Variants in CNTLN observed in about 807,000 individuals in gnomAD.
The protein encoded by CNTLN is centlein, centrosomal protein.
Under a neutral mutation model 180.0 loss-of-function variants are expected in CNTLN, and 212 were observed. The ratio of observed to expected loss-of-function variants is 1.18; its 90% CI spans 1.05 to 1.32. CNTLN has a LOEUF of 1.32. Among genes scored for constraint, CNTLN ranks in the 40% most tolerant of loss-of-function variants. The probability of loss-of-function intolerance (pLI) is 0.00; values close to 1 mark genes in which losing one functional copy is unlikely to be tolerated. For synonymous variants in CNTLN, 722 were observed against 563.1 expected (o/e 1.28, Z -3.99); for missense variants, 2,095 against 1,610.9 (o/e 1.30, Z -5.14).
chr9:17,218,630 T>C lies in CNTLN; in HGVS notation c.450-7573T>C, dbSNP rs182291647. On this transcript the variant is annotated intron_variant, in intron 2 of 25. Coordinates refer to ENST00000380647, the MANE Select transcript of CNTLN (RefSeq NM_017738.4). ...TTGTTTAAATTGCAAACCATTGATA[T>C]GTATAAAATCTGCATTTTAATAGGT... 5.0e-3 allele frequency among the ~76,000 whole-genome samples: 769 copies of C among 152,290 alleles called. 4 individuals carry two copies. The highest frequency in any genetic ancestry group is 8.0e-3 in the Admixed American group (122 of 15,304).
chr9:17,342,105 T>C (rs1162145436), intron 11 of CNTLN, among the ~76,000 whole-genome samples: 1 of 152,166 alleles, frequency 6.6e-6, no homozygotes, highest in South Asian at 2.1e-4. Flanking sequence ...ATGTGTCTGC[T>C]TAAAAGTTTG....
chr9:17,226,410 A>G (rs903196067), intron 3 of CNTLN, 123 bp downstream of exon 3: 1 of 496,348 alleles, frequency 2.0e-6, no homozygotes, highest in Non-Finnish European at 3.5e-6. Flanking sequence ...ATGTTAAAGC[A>G]TTACTATTTT....
intron 18 of CNTLN, among the ~76,000 whole-genome samples, chr9:17,432,736 C>G (rs1051360763): frequency 2.0e-5 from 3 of 151,948 alleles, no homozygotes; most frequent in African/African-American, 4.8e-5. Flanking sequence ...AAATGAGGAT[C>G]AGGCCAAGTG....
chr9:17,242,368 G>C (rs1053869101), intron 5 of CNTLN, among the ~76,000 whole-genome samples: 1 of 151,900 alleles, frequency 6.6e-6, no homozygotes, highest in African/African-American at 2.4e-5. Flanking sequence ...GGAGTGCAGT[G>C]GCACGATCTT....
Position 17,471,428 on chromosome 9 carries a change from A to G in CNTLN, c.3855+4537A>G, listed in dbSNP as rs568116871. On this transcript the variant is annotated intron_variant, in intron 23 of 25. Transcript: ENST00000380647. Reference sequence around the variant, plus strand: ...TTACAATAAATTATAGTAATTGAAAAGTAAAGTAAATTGATATGTATGTCT... The same window carrying G: ...TTACAATAAATTATAGTAATTGAAAGGTAAAGTAAATTGATATGTATGTCT... Among the ~76,000 whole-genome samples, 8 of 152,236 alleles carry G rather than the reference A, an allele frequency of 5.3e-5. No homozygotes were observed. The East Asian group carries it at 1.5e-3, about 29-fold the overall frequency.
At chr9:17,429,533 T>C (rs1476763194) in intron 18 of CNTLN, among the ~76,000 whole-genome samples, 2 of 152,086 alleles carry the variant, frequency 1.3e-5, no homozygotes, top group Non-Finnish European at 2.9e-5. Flanking sequence ...CTTAGAAATA[T>C]AACATTTTTA....
chr9:17,345,921 A>G (rs76844308), intron 12 of CNTLN, among the ~76,000 whole-genome samples: 2,750 of 152,282 alleles, frequency 0.018, 79 homozygotes, highest in African/African-American at 0.063. Context: ...CAGTTTGAAG[A>G]ACTTCCTTTA....
chr9:17,164,544 G>A (rs115466020), intron 2 of CNTLN, among the ~76,000 whole-genome samples: 2,764 of 130,326 alleles, frequency 0.021, 57 homozygotes, highest in African/African-American at 0.058. Context: ...GGCTCACTGT[G>A]ACCTCTGCCT....
chr9:17,395,148 A>G, intron 15 of CNTLN, 79 bp downstream of exon 15: 1 of 1,483,972 alleles, frequency 6.7e-7, no homozygotes, highest in Non-Finnish European at 8.9e-7. Flanking sequence ...ATTGAATTTC[A>G]ACTACTGTCG....
intron 6 of CNTLN, among the ~76,000 whole-genome samples, chr9:17,279,308 T>C (rs1458984184): frequency 6.6e-6 from 1 of 152,172 alleles, no homozygotes; most frequent in Non-Finnish European, 1.5e-5. Flanking sequence ...TTTTTTACTC[T>C]TGATTTGTTC....
intron 2 of CNTLN, among the ~76,000 whole-genome samples, chr9:17,169,961 C>A (rs1820322229): frequency 6.6e-6 from 1 of 152,054 alleles, no homozygotes; most frequent in Admixed American, 6.6e-5. Flanking sequence ...ATAGGGTTTA[C>A]ATTGAATCTG....
intron 2 of CNTLN, among the ~76,000 whole-genome samples, chr9:17,188,441 T>C (rs1821572996): frequency 2.0e-5 from 3 of 152,130 alleles, no homozygotes; most frequent in South Asian, 2.1e-4. Flanking sequence ...AAGCCCATTG[T>C]CTTTTTTTGG....
rs193230583 is a variant in CNTLN, at chr9:17,245,216, C to T, written c.849+8628C>T. Among the ~76,000 whole-genome samples, 312 of 151,954 alleles carry T rather than the reference C, an allele frequency of 2.1e-3. 1 individual carries two copies. Among genetic ancestry groups the T allele is most frequent in the African/African-American group, 7.2e-3 (297 of 41,474 alleles). On this transcript the variant is annotated intron_variant, in intron 5 of 25. Coordinates refer to ENST00000380647, the MANE Select transcript of CNTLN (RefSeq NM_017738.4). ...TTTCAAATTGAAGAATTTTTTTTAG[C>T]GTTCCTTGTAGGACAGATTTGGTAT...
At position 17,186,253 on chromosome 9, in the gene CNTLN, A is replaced by G. The variant is rs575621785; in HGVS notation, c.450-39950A>G. On this transcript the variant is annotated intron_variant, in intron 2 of 25. Transcript: ENST00000380647. ...GGTATTCATCTTTGAATGACTGGTA[A>G]TAGTACATCATTCATGTTGTGTAGT... is the stretch of plus-strand genomic sequence containing the variant. 1.8e-4 allele frequency among the ~76,000 whole-genome samples: 27 copies of G among 152,298 alleles called. 1 individual carries two copies. The South Asian group carries it at 5.4e-3, about 30-fold the overall frequency.
intron 13 of CNTLN, among the ~76,000 whole-genome samples, chr9:17,366,961 CTT>C (rs914042151): frequency 7.2e-5 from 11 of 152,078 alleles, no homozygotes; most frequent in Non-Finnish European, 1.5e-4. Context: ...AAATAGAAGA[CTT>C]TATGCTGTGG....
intron 23 of CNTLN, among the ~76,000 whole-genome samples, chr9:17,475,624 G>C (rs1030637179): frequency 1.3e-5 from 2 of 151,964 alleles, no homozygotes; most frequent in African/African-American, 4.8e-5. Context: ...TGTAATCCTA[G>C]CACTTCGGGA....
At chr9:17,466,634 G>A in intron 22 of CNTLN, 72 bp from the exon 23 acceptor site, 1 of 1,185,676 alleles carries the variant, frequency 8.4e-7, no homozygotes, top group Non-Finnish European at 1.2e-6. Context: ...TTCCTTATTT[G>A]ACATGTATAA....
intron 2 of CNTLN, among the ~76,000 whole-genome samples, chr9:17,151,263 G>A (rs1017359642): frequency 7.9e-5 from 12 of 152,154 alleles, no homozygotes; most frequent in South Asian, 4.1e-4. Flanking sequence ...TGCCCTATCA[G>A]TATGGTATTG....
At chr9:17,381,988 T>C (rs1293365201) in intron 13 of CNTLN, among the ~76,000 whole-genome samples, 2 of 152,108 alleles carry the variant, frequency 1.3e-5, no homozygotes, top group Non-Finnish European at 2.9e-5. Context: ...ATGGCCAAAC[T>C]CAACATTAAT....
Sources: allele counts gnomAD v4.1 joint callset (sites outside exome capture counted in the v4.1 genomes callset), GRCh38; gene constraint gnomAD v4.1.1; transcripts MANE v1.5; gene names NCBI Gene and HGNC (gene_info 2026-07-23, HGNC 2026-07-21).